Variants in NSUN4 observed in about 807,000 individuals in gnomAD.
NSUN4 encodes the protein NOP2/Sun RNA methyltransferase 4, also known as 5-cytosine rRNA methyltransferase NSUN4.
NSUN4 carries 31 observed loss-of-function variants against 43.8 expected under a neutral mutation model. The ratio of observed to expected loss-of-function variants is 0.71; its 90% CI spans 0.53 to 0.96. The LOEUF is 0.96. NSUN4 is among the 40% of genes least tolerant of loss of function. The pLI is 0.00. For missense variants in NSUN4, 439 were observed against 475.6 expected (o/e 0.92, Z 0.72); for synonymous variants, 167 against 184.1 (o/e 0.91, Z 0.75).
At chr1:46,343,585 A>G (rs911965623) in intron 1 of NSUN4, 2 of 400,112 alleles carry the variant, frequency 5.0e-6, no homozygotes, top group Non-Finnish European at 4.4e-6. Context: ...AAGAGTCCCC[A>G]TGATGGCAGA....
At position 46,353,057 on chromosome 1, in the gene NSUN4, T is replaced by C. The variant is rs757785702; in HGVS notation, c.753+29T>C. 53 of 1,608,428 alleles carry C rather than the reference T, an allele frequency of 3.3e-5. No homozygotes were observed. The African/African-American group carries it at 5.9e-4, about 18-fold the overall frequency. ...AGTGATTCTTGATTTAGGACATGCATCCAGCTTAATGCGGCCTCCCCATCC... is the reference window on the plus strand; with the variant it reads ...AGTGATTCTTGATTTAGGACATGCACCCAGCTTAATGCGGCCTCCCCATCC... On this transcript the variant is annotated intron_variant, in intron 4 of 5. Transcript: ENST00000474844.
At position 46,362,049 on chromosome 1, in the gene NSUN4, C is replaced by T. The variant is rs1663919532; in HGVS notation, c.*203C>T. 5.0e-6 allele frequency: 3 copies of T among 603,606 alleles called. No homozygotes were observed. The highest frequency in any genetic ancestry group is 3.7e-5 in the African/African-American group (2 of 53,894). The allele number at this position is 603,606 out of a possible 1,614,324, so 37.4% of individuals were successfully genotyped here. ...GGAGCATCAGCAGGTTTCCAACTCA[C>T]TCATTAACCCCTACCCCATCTCCAG... is the stretch of plus-strand genomic sequence containing the variant. On this transcript the variant is annotated 3_prime_UTR_variant, in exon 6 of 6. Transcript: ENST00000474844.
chr1:46,346,812 T>C, intron 2 of NSUN4, 109 bp from the exon 3 acceptor site: 1 of 797,348 alleles, frequency 1.3e-6, no homozygotes, highest in Non-Finnish European at 2.0e-6. Flanking sequence ...GAAAAATGAG[T>C]TTTTGGTGAT....
rs564709816 is a variant in NSUN4 at position 46,360,907 on chromosome 1, A to G, written c.878+79A>G. ...TGGGGGACTGGAAGCTCTTACCAAG[A>G]CCATAACCCACACAAGAATCTTATG... is the stretch of plus-strand genomic sequence containing the variant. On this transcript the variant is annotated intron_variant, in intron 5 of 5. Coordinates refer to ENST00000474844, the MANE Select transcript of NSUN4 (RefSeq NM_199044.4). 1.1e-3 allele frequency: 1,571 copies of G among 1,486,242 alleles called. 2 individuals are homozygous for G. The highest frequency in any genetic ancestry group is 1.3e-3 in the Non-Finnish European group (1,448 of 1,074,764). 92.1% of individuals were successfully genotyped at this position (1,486,242 alleles called of 1,614,324 possible). A position where few individuals can be genotyped will look rare whatever the true frequency, so the allele number is the denominator to read the frequency against.
intron 4 of NSUN4, among the ~76,000 whole-genome samples, chr1:46,355,190 G>A (rs1442863761): frequency 6.6e-6 from 1 of 152,194 alleles, no homozygotes; most frequent in Admixed American, 6.5e-5. Flanking sequence ...AAAGCACTTA[G>A]TATAGTACCT....
chr1:46,344,584 C>T (rs916103203), intron 1 of NSUN4, among the ~76,000 whole-genome samples: 3 of 152,128 alleles, frequency 2.0e-5, no homozygotes, highest in African/African-American at 4.8e-5. Flanking sequence ...CGCACAGTAC[C>T]GTGAGAGTTA....
intron 3 of NSUN4, among the ~76,000 whole-genome samples, chr1:46,348,896 C>A (rs1557738978): frequency 7.4e-6 from 1 of 135,658 alleles, no homozygotes; most frequent in Non-Finnish European, 1.5e-5. Flanking sequence ...CTCAATACAA[C>A]CTTCGCCTTC....
chr1:46,382,305 G>A, the NSUN4 span, among the ~76,000 whole-genome samples: 9 of 152,264 alleles, frequency 5.9e-5, no homozygotes, highest in African/African-American at 1.7e-4. Flanking sequence ...TAAAAAAGTC[G>A]TTGGGACAAA....
downstream of NSUN4, among the ~76,000 whole-genome samples, chr1:46,369,408 A>G (rs1045265828): frequency 6.6e-6 from 1 of 152,186 alleles, no homozygotes; most frequent in Non-Finnish European, 1.5e-5. Flanking sequence ...AACAGAGCAG[A>G]AAAAAGTCCT....
At chr1:46,353,431 C>A (rs1032826644) in intron 4 of NSUN4, among the ~76,000 whole-genome samples, 5 of 151,678 alleles carry the variant, frequency 3.3e-5, no homozygotes, top group African/African-American at 1.2e-4. Context: ...GAGTTTTTCT[C>A]ATCTGGCCTG....
intron 2 of NSUN4, among the ~76,000 whole-genome samples, chr1:46,346,214 C>G (rs996482009): frequency 5.3e-5 from 8 of 150,106 alleles, no homozygotes; most frequent in African/African-American, 2.0e-4. Flanking sequence ...GATGAACAAG[C>G]CCTCATAGAG....
the NSUN4 span, among the ~76,000 whole-genome samples, chr1:46,377,711 AT>A: frequency 6.6e-6 from 1 of 152,244 alleles, no homozygotes; most frequent in Non-Finnish European, 1.5e-5. Flanking sequence ...ATTTTATCTA[AT>A]GATATAGTCC....
At chr1:46,384,231 G>A in the NSUN4 span, among the ~76,000 whole-genome samples, 1 of 152,196 alleles carries the variant, frequency 6.6e-6, no homozygotes, top group Non-Finnish European at 1.5e-5. Flanking sequence ...ATTCTTTGAA[G>A]AGAAATTTAG....
intron 3 of NSUN4, among the ~76,000 whole-genome samples, chr1:46,349,953 A>G (rs995418987): frequency 6.6e-6 from 1 of 152,224 alleles, no homozygotes; most frequent in Non-Finnish European, 1.5e-5. Flanking sequence ...ATGCTTAACT[A>G]TCAGCACCTC....
At chr1:46,354,347 C>T (rs1447052979) in intron 4 of NSUN4, among the ~76,000 whole-genome samples, 1 of 152,254 alleles carries the variant, frequency 6.6e-6, no homozygotes, top group East Asian at 1.9e-4. Context: ...AGTCCTCCCA[C>T]CTTGTCCTCC....
In NSUN4 at chr1:46,347,028, C is replaced by T. The variant is rs1050528119; in HGVS notation, c.545C>T (p.Ala182Val). Residue 182 changes from alanine (A) to valine (V), a missense_variant, in exon 3 of 6, where the codon GCA (alanine) becomes GTA (valine). Coordinates refer to ENST00000474844, the MANE Select transcript of NSUN4 (RefSeq NM_199044.4). ...QPGDIVLDLC[A>V]APGGKTLALL... Reference sequence around the variant, plus strand: ...GGGGACATCGTGCTTGACCTATGTGCAGCTCCTGGGGGAAAGACACTAGCG... The same window carrying T: ...GGGGACATCGTGCTTGACCTATGTGTAGCTCCTGGGGGAAAGACACTAGCG... The T allele has an allele frequency of 1.9e-5, 31 of 1,614,090 alleles. No individual in the cohort carries two copies. The highest frequency in any genetic ancestry group is 5.0e-5 in the Admixed American group (3 of 60,002).
At chr1:46,367,468 T>C (rs1054424924), downstream of NSUN4, among the ~76,000 whole-genome samples, 3 of 152,202 alleles carry the variant, frequency 2.0e-5, no homozygotes, top group Admixed American at 1.3e-4. Context: ...ATTTGAACAT[T>C]TTCATCCATT....
At position 46,361,869 on chromosome 1, in the gene NSUN4, GA is replaced by G; in HGVS notation, c.*25del. ...TAGTATCACCCAATCCCTGAAGCAA[GA>G]ATACAAAGGGTATACTCTGTTGGAT... On this transcript the variant is annotated 3_prime_UTR_variant, in exon 6 of 6. Coordinates refer to ENST00000474844, the MANE Select transcript of NSUN4 (RefSeq NM_199044.4). 6.2e-7 allele frequency: 1 copy of G among 1,602,600 alleles called. No homozygotes were observed. Among genetic ancestry groups the G allele is most frequent in the Non-Finnish European group, 8.5e-7 (1 of 1,173,572 alleles).
At chr1:46,360,481 G>A (rs1663789531) in intron 4 of NSUN4, among the ~76,000 whole-genome samples, 1 of 150,998 alleles carries the variant, frequency 6.6e-6, no homozygotes, top group Non-Finnish European at 1.5e-5. Context: ...TTAGTTTTGG[G>A]TTTTTGACCA....
Sources: allele counts gnomAD v4.1 joint callset (sites outside exome capture counted in the v4.1 genomes callset), GRCh38; gene constraint gnomAD v4.1.1; transcripts MANE v1.5; gene names NCBI Gene and HGNC (gene_info 2026-07-23, HGNC 2026-07-21).